ALCAM: variants seen among roughly 807,000 people sequenced by gnomAD.
ALCAM encodes the protein CD166 antigen.
In ALCAM, 30 loss-of-function variants were observed where a neutral mutation model predicts 70.9. That is an observed-to-expected ratio of 0.42 (90% CI 0.32 to 0.57). The LOEUF is 0.57. ALCAM is among the 20% of genes least tolerant of loss of function. The pLI is 0.11. For synonymous variants in ALCAM, 249 were observed against 242.5 expected, an observed-to-expected ratio of 1.03 and a Z score of -0.25; for missense variants, 591 against 695.1, an observed-to-expected ratio of 0.85 and a Z score of 1.68.
At chr3:105,525,168 C>T (rs1939664332) in intron 3 of ALCAM, 1 of 983,672 alleles carries the variant, frequency 1.0e-6, no homozygotes, top group East Asian at 1.1e-4. Context: ...TAAAAAAACT[C>T]ACTATACCCT....
rs183927058 is a variant in ALCAM at position 105,398,792 on chromosome 3, A to G, written c.73+31311A>G. Among the ~76,000 whole-genome samples the G allele has an allele frequency of 4.4e-3, 666 of 152,162 alleles. 3 individuals are homozygous for G. The highest frequency in any genetic ancestry group is 9.4e-3 in the Admixed American group (143 of 15,274). On this transcript the variant is annotated intron_variant, in intron 1 of 15. Transcript: ENST00000306107. ...ATTTACCAATTTCTAATCACCATTAATTCATGTCTACATTTTTCTTAGCAC... is the reference window on the plus strand; with the variant it reads ...ATTTACCAATTTCTAATCACCATTAGTTCATGTCTACATTTTTCTTAGCAC...
intron 11 of ALCAM, 53 bp from the exon 12 acceptor site, chr3:105,550,074 T>C: frequency 6.7e-7 from 1 of 1,495,316 alleles, no homozygotes; most frequent in South Asian, 1.2e-5. Context: ...CTCTTTCCTA[T>C]GCTTTTTAAT....
At chr3:105,496,251 T>A (rs1652016464) in intron 1 of ALCAM, among the ~76,000 whole-genome samples, 1 of 152,182 alleles carries the variant, frequency 6.6e-6, no homozygotes, top group African/African-American at 2.4e-5. Flanking sequence ...GCCAAATCTT[T>A]TAGTTTATAT....
intron 6 of ALCAM, among the ~76,000 whole-genome samples, chr3:105,537,590 C>T (rs1940004102): frequency 6.6e-6 from 1 of 152,078 alleles, no homozygotes; most frequent in African/African-American, 2.4e-5. Context: ...TAGAGTAATA[C>T]TTACATGCCT....
chr3:105,563,663 ATTTCTTTTT>A (rs758215006), intron 14 of ALCAM, among the ~76,000 whole-genome samples: 4 of 72,560 alleles, frequency 5.5e-5, no homozygotes, highest in Admixed American at 1.6e-4. Flanking sequence ...AATTCCAAGC[ATTTCTTTTT>A]TTTTTTTTTT....
intron 14 of ALCAM, among the ~76,000 whole-genome samples, chr3:105,558,704 G>A (rs17189711): frequency 0.083 from 12,631 of 152,192 alleles, 668 homozygotes; most frequent in Non-Finnish European, 0.12. Context: ...AAATTACACA[G>A]AATGAGGAGT....
At chr3:105,539,407 TA>T (rs1940060527) in intron 6 of ALCAM, among the ~76,000 whole-genome samples, 1 of 152,082 alleles carries the variant, frequency 6.6e-6, no homozygotes, top group African/African-American at 2.4e-5. Flanking sequence ...ACAATACACT[TA>T]CAGTCCTGTT....
At chr3:105,483,182 C>G (rs921728547) in intron 1 of ALCAM, among the ~76,000 whole-genome samples, 3 of 152,122 alleles carry the variant, frequency 2.0e-5, no homozygotes, top group African/African-American at 4.8e-5. Flanking sequence ...TTCTTTGTCT[C>G]TCTTCATTTA....
intron 3 of ALCAM, among the ~76,000 whole-genome samples, chr3:105,529,257 G>T (rs1282878406): frequency 1.3e-5 from 2 of 152,156 alleles, no homozygotes; most frequent in African/African-American, 4.8e-5. Flanking sequence ...GCAAAATTTG[G>T]CTTAAATCAT....
chr3:105,461,787 G>A (rs558601608), intron 1 of ALCAM, among the ~76,000 whole-genome samples: 1 of 151,760 alleles, frequency 6.6e-6, no homozygotes, highest in Admixed American at 6.6e-5. Flanking sequence ...GGATAAAACA[G>A]GGATACATAG....
chr3:105,557,654 T>C (rs1190793187), intron 14 of ALCAM, among the ~76,000 whole-genome samples: 1 of 152,190 alleles, frequency 6.6e-6, no homozygotes, highest in Non-Finnish European at 1.5e-5. Context: ...CATTTTGAGC[T>C]GTGATGCTGA....
At chr3:105,385,433 T>C (rs970160385) in intron 1 of ALCAM, among the ~76,000 whole-genome samples, 1 of 151,514 alleles carries the variant, frequency 6.6e-6, no homozygotes, top group Admixed American at 6.6e-5. Context: ...AAAGCCAGCA[T>C]GAAAAGGAAC....
intron 1 of ALCAM, among the ~76,000 whole-genome samples, chr3:105,427,590 C>G (rs936519594): frequency 2.1e-4 from 32 of 151,820 alleles, no homozygotes; most frequent in Non-Finnish European, 3.2e-4. Context: ...CTACCCACCC[C>G]CTCCCCTCAT....
chr3:105,387,874 G>A (rs780406029), intron 1 of ALCAM, among the ~76,000 whole-genome samples: 3 of 151,452 alleles, frequency 2.0e-5, no homozygotes, highest in Non-Finnish European at 3.0e-5. Context: ...GCTCCCTTCC[G>A]TGTGGTTGTG....
intron 14 of ALCAM, among the ~76,000 whole-genome samples, chr3:105,562,782 A>C (rs920319288): frequency 6.6e-6 from 1 of 152,154 alleles, no homozygotes; most frequent in Non-Finnish European, 1.5e-5. Context: ...TCAAAACAAA[A>C]TGTAAATTTT....
rs1477392956 is a variant in ALCAM at position 105,574,774 on chromosome 3, C to T, written c.*323C>T. 6.6e-6 allele frequency: 1 copy of T among 152,536 alleles called. No homozygotes were observed. Among genetic ancestry groups the T allele is most frequent in the Non-Finnish European group, 1.5e-5 (1 of 68,026 alleles). The allele number at this position is 152,536 out of a possible 1,614,324, so 9.4% of individuals were successfully genotyped here. A position where few individuals can be genotyped will look rare whatever the true frequency, so the allele number is the denominator to read the frequency against. ...CCTTTTATGTAAATTTTTTACGTAG[C>T]TATTTTTATACACTGTAAGCTTTGT... On this transcript the variant is annotated 3_prime_UTR_variant, in exon 16 of 16. Coordinates refer to ENST00000306107, the MANE Select transcript of ALCAM (RefSeq NM_001627.4).
At chr3:105,467,064 G>A (rs1937759944) in intron 1 of ALCAM, among the ~76,000 whole-genome samples, 1 of 151,302 alleles carries the variant, frequency 6.6e-6, no homozygotes, top group Admixed American at 6.6e-5. Flanking sequence ...GTGTAACTTT[G>A]GAGATGTAAT....
chr3:105,560,921 A>G (rs1940617793), intron 14 of ALCAM, among the ~76,000 whole-genome samples: 1 of 152,166 alleles, frequency 6.6e-6, no homozygotes. Context: ...GCAACTTGCT[A>G]ATTTCTGTGC....
intron 1 of ALCAM, among the ~76,000 whole-genome samples, chr3:105,372,515 T>C (rs904094390): frequency 1.3e-5 from 2 of 152,112 alleles, no homozygotes; most frequent in East Asian, 3.8e-4. Flanking sequence ...CTTCCTCTCT[T>C]ATTTATCCAG....
Sources: gnomAD v4.1 joint callset for allele counts (sites outside exome capture counted in the v4.1 genomes callset) on GRCh38, gnomAD v4.1.1 for gene constraint, MANE v1.5 for transcripts, NCBI Gene and HGNC (gene_info 2026-07-23, HGNC 2026-07-21) for gene names.